The following MAPRE1 variants were observed in gnomAD, a reference collection of about 807,000 sequenced individuals.
The protein encoded by MAPRE1 is microtubule associated protein RP/EB family member 1, also known as microtubule-associated protein RP/EB family member 1.
In MAPRE1, 5 loss-of-function variants were observed where a neutral mutation model predicts 32.1. The observed-to-expected ratio is 0.16, with a 90% confidence interval of 0.08 to 0.33. The LOEUF (loss-of-function observed/expected upper bound fraction) is 0.33. MAPRE1 is among the 10% of genes least tolerant of loss of function. The probability of loss-of-function intolerance (pLI) is 1.00; values close to 1 mark genes in which losing one functional copy is unlikely to be tolerated. For missense variants in MAPRE1, 209 were observed against 327.2 expected (o/e 0.64, Z 2.79); for synonymous variants, 122 against 118.9 (o/e 1.03, Z -0.17).
chr20:32,831,939 G>A (rs1365119950), intron 2 of MAPRE1, among the ~76,000 whole-genome samples: 38 of 128,430 alleles, frequency 3.0e-4, no homozygotes, highest in Non-Finnish European at 4.7e-4. Flanking sequence ...AAAAAAGTTC[G>A]TCCGTTTCAA....
At chr20:32,841,092 G>A (rs1983345869) in intron 5 of MAPRE1, among the ~76,000 whole-genome samples, 1 of 152,228 alleles carries the variant, frequency 6.6e-6, no homozygotes, top group African/African-American at 2.4e-5. Context: ...GGGATTACAG[G>A]CATGAACCAC....
chr20:32,843,481 G>A (rs2146138578), intron 5 of MAPRE1: 1 of 152,304 alleles, frequency 6.6e-6, no homozygotes, highest in Non-Finnish European at 1.5e-5. Context: ...AGAAGTGTGA[G>A]CTACCTGATT....
chr20:32,821,275 C>G (rs111757200), intron 1 of MAPRE1, among the ~76,000 whole-genome samples: 1,552 of 152,298 alleles, frequency 0.01, 25 homozygotes, highest in African/African-American at 0.036. Flanking sequence ...CCTCGGCCTC[C>G]AAAGTGTTGG....
In MAPRE1 at chr20:32,839,724, C is replaced by T. The variant is rs375127807; in HGVS notation, c.476-11C>T. On this transcript the variant is annotated splice_polypyrimidine_tract_variant and intron_variant, in intron 4 of 6. Coordinates refer to ENST00000375571, the MANE Select transcript of MAPRE1 (RefSeq NM_012325.3). ...TTACTCCTTTTCAAAAACCTGTGCT[C>T]TCTTTTTCAGCTCCCCAGAGGCCCA... 2.9e-5 allele frequency: 46 copies of T among 1,613,328 alleles called. No homozygotes were observed. Among genetic ancestry groups the T allele is most frequent in the Non-Finnish European group, 3.6e-5 (43 of 1,179,820 alleles).
chr20:32,849,816 TCTG>T lies in MAPRE1; in HGVS notation c.*1092_*1094del, dbSNP rs1322608701. 6.6e-6 allele frequency: 1 copy of T among 152,666 alleles called. No individual in the cohort carries two copies. Among genetic ancestry groups the T allele is most frequent in the Non-Finnish European group, 1.5e-5 (1 of 68,054 alleles). 9.5% of individuals were successfully genotyped at this position (152,666 alleles called of 1,614,324 possible). ...CTGCCAGGCTGGGGTGTTTTCGGTA[TCTG>T]CTGTTCACAGCTCTCCACTGTAATC... On this transcript the variant is annotated 3_prime_UTR_variant, in exon 7 of 7. Transcript: ENST00000375571.
chr20:32,843,699 G>A (rs551246435), intron 5 of MAPRE1, among the ~76,000 whole-genome samples: 1 of 152,290 alleles, frequency 6.6e-6, no homozygotes, highest in South Asian at 2.1e-4. Context: ...CAGTGGCACT[G>A]GCCACGTTTA....
At chr20:32,841,077 G>T (rs1464116382) in intron 5 of MAPRE1, among the ~76,000 whole-genome samples, 1 of 152,222 alleles carries the variant, frequency 6.6e-6, no homozygotes, top group Admixed American at 6.5e-5. Flanking sequence ...TGGCCTCCCA[G>T]TGCTGGGATT....
intron 5 of MAPRE1, among the ~76,000 whole-genome samples, chr20:32,844,045 G>T (rs763365802): frequency 2.0e-5 from 3 of 152,028 alleles, no homozygotes; most frequent in Non-Finnish European, 4.4e-5. Flanking sequence ...GTAGAGACAG[G>T]GTTTCACCAT....
At chr20:32,835,733 G>A (rs2146131432) in intron 3 of MAPRE1, among the ~76,000 whole-genome samples, 1 of 151,800 alleles carries the variant, frequency 6.6e-6, no homozygotes, top group East Asian at 1.9e-4. Flanking sequence ...AGCCTCCTGA[G>A]TAGCTGGGAT....
intron 3 of MAPRE1, among the ~76,000 whole-genome samples, chr20:32,834,859 A>G (rs753738789): frequency 9.2e-5 from 14 of 152,196 alleles, no homozygotes; most frequent in South Asian, 2.1e-4. Flanking sequence ...ATGTAACTCA[A>G]TGGTTAGCAT....
chr20:32,827,911 T>C (rs1328561369), intron 2 of MAPRE1, among the ~76,000 whole-genome samples: 1 of 151,466 alleles, frequency 6.6e-6, no homozygotes, highest in Non-Finnish European at 1.5e-5. Flanking sequence ...AAAAAAAATT[T>C]ATTGCCGTTG....
At chr20:32,836,405 C>G (rs1227798933) in intron 3 of MAPRE1, among the ~76,000 whole-genome samples, 1 of 152,028 alleles carries the variant, frequency 6.6e-6, no homozygotes. Context: ...TTTTTTGTTT[C>G]TGATTCCTTT....
intron 4 of MAPRE1, among the ~76,000 whole-genome samples, chr20:32,839,096 C>G (rs987346946): frequency 6.6e-6 from 1 of 152,118 alleles, no homozygotes; most frequent in Non-Finnish European, 1.5e-5. Flanking sequence ...CTTCTAAACT[C>G]CTTCTAAAAG....
intron 5 of MAPRE1, among the ~76,000 whole-genome samples, chr20:32,845,242 T>C (rs1033609215): frequency 8.5e-5 from 13 of 152,188 alleles, no homozygotes; most frequent in African/African-American, 2.9e-4. Context: ...GGTTTTGCCA[T>C]GTTGCCCAGG....
intron 5 of MAPRE1, among the ~76,000 whole-genome samples, chr20:32,846,035 T>C (rs1983496928): frequency 6.6e-6 from 1 of 152,240 alleles, no homozygotes; most frequent in Non-Finnish European, 1.5e-5. Context: ...GCCCCATGGT[T>C]AAAGTACACA....
rs1202620597 is a variant in MAPRE1 at position 32,836,784 on chromosome 20, T to C, written c.418T>C (p.Ser140Pro). 1.1e-5 allele frequency: 17 copies of C among 1,614,012 alleles called. No individual in the cohort carries two copies. Among genetic ancestry groups the C allele is most frequent in the Non-Finnish European group, 1.4e-5 (17 of 1,180,022 alleles). ...RQGQETAVAP[S>P]LVAPALNKPK... ...AGGTCAAGAAACTGCAGTGGCTCCTTCCCTTGTTGCTCCAGCTCTGAATAA... is the reference window on the plus strand; with the variant it reads ...AGGTCAAGAAACTGCAGTGGCTCCTCCCCTTGTTGCTCCAGCTCTGAATAA... The change falls in exon 4 of 7, where the codon TCC becomes CCC. Residue 140 changes from serine to proline, a missense_variant. This residue lies in a region of MAPRE1 where 106 missense variants were observed against 115.3 expected (regional missense o/e 0.92). Transcript: ENST00000375571.
At chr20:32,847,628 A>C (rs941679725) in intron 6 of MAPRE1, among the ~76,000 whole-genome samples, 3 of 152,246 alleles carry the variant, frequency 2.0e-5, no homozygotes, top group African/African-American at 4.8e-5. Context: ...TAATGAAAAA[A>C]AGACAACGAA....
chr20:32,849,665 C>T lies in MAPRE1; in HGVS notation c.*937C>T, dbSNP rs1452946797. 1 of 152,616 alleles carries T rather than the reference C, an allele frequency of 6.6e-6. No homozygotes were observed. The highest frequency in any genetic ancestry group is 1.5e-5 in the Non-Finnish European group (1 of 68,060). 9.5% of individuals were successfully genotyped at this position (152,616 alleles called of 1,614,324 possible). A position where few individuals can be genotyped will look rare whatever the true frequency, so the allele number is the denominator to read the frequency against. On this transcript the variant is annotated 3_prime_UTR_variant, in exon 7 of 7. Transcript: ENST00000375571. ...CTGCTCCCCTTGCCCACTGGGGACTCCTCTTTGGCTCCTTGAAGTTTGCTG... is the reference window on the plus strand; with the variant it reads ...CTGCTCCCCTTGCCCACTGGGGACTTCTCTTTGGCTCCTTGAAGTTTGCTG...
At chr20:32,828,992 C>T (rs1982944287) in intron 2 of MAPRE1, among the ~76,000 whole-genome samples, 1 of 151,838 alleles carries the variant, frequency 6.6e-6, no homozygotes, top group South Asian at 2.1e-4. Flanking sequence ...GTGATCTCGG[C>T]TCACTGCAAC....
Sources: gnomAD v4.1 joint callset for allele counts (sites outside exome capture counted in the v4.1 genomes callset) on GRCh38, gnomAD v4.1.1 for gene constraint, gnomAD v4.1.1 regional missense constraint, MANE v1.5 for transcripts, NCBI Gene and HGNC (gene_info 2026-07-23, HGNC 2026-07-21) for gene names.